The following TMX4 variants were observed in gnomAD, a reference collection of about 807,000 sequenced individuals.
TMX4 encodes the protein thioredoxin-related transmembrane protein 4.
Under a neutral mutation model 33.3 loss-of-function variants are expected in TMX4, and 23 were observed. The observed-to-expected ratio is 0.69, with a 90% CI of 0.50 to 0.98. The LOEUF (loss-of-function observed/expected upper bound fraction) is 0.98, where lower values mean the gene tolerates loss of function less well. Among genes scored for constraint, TMX4 ranks in the 50% least tolerant of loss-of-function variants. TMX4 has a pLI of 0.00. For missense variants in TMX4, 399 were observed against 448.9 expected (o/e 0.89, Z 1.01); for synonymous variants, 164 against 161.5 (o/e 1.02, Z -0.12).
intron 2 of TMX4, among the ~76,000 whole-genome samples, chr20:8,009,977 A>C (rs1345281141): frequency 2.0e-5 from 3 of 152,072 alleles, no homozygotes; most frequent in Admixed American, 6.5e-5. Context: ...ATGATTCAGC[A>C]AAATAAAAAT....
intron 1 of TMX4, among the ~76,000 whole-genome samples, chr20:8,011,652 T>G (rs1234522447): frequency 1.3e-5 from 2 of 151,986 alleles, no homozygotes; most frequent in Non-Finnish European, 2.9e-5. Flanking sequence ...GTACTGAAAA[T>G]TAGGCAGAAC....
At chr20:7,995,889 G>A (rs572236592) in intron 5 of TMX4, 137 bp downstream of exon 5, 13 of 688,772 alleles carry the variant, frequency 1.9e-5, no homozygotes, top group Non-Finnish European at 2.9e-5. Context: ...AACCCCACAT[G>A]AGAGTAGTTG....
Position 8,019,532 on chromosome 20 carries a change from CG to C in TMX4, c.81del (p.Glu28ArgfsTer15). ...TGCTCCGGCGGCAGCGCGGCCTCCT[CG>C]GGGCCTGCCGTCGCCGCCACAGCCG... is the stretch of plus-strand genomic sequence containing the variant. ...WIAAVAATAGPEEAALPPEQS... is the reference protein window; with the variant it reads ...WIAAVAATAGXEEAALPPEQS... On this transcript the variant is annotated frameshift_variant, in exon 1 of 8. Coordinates refer to ENST00000246024, the MANE Select transcript of TMX4 (RefSeq NM_021156.4). LOFTEE classifies it high-confidence loss of function. 2.0e-6 allele frequency: 3 copies of C among 1,480,778 alleles called. No homozygotes were observed. Among genetic ancestry groups the C allele is most frequent in the Admixed American group, 2.5e-5 (1 of 39,840 alleles). The allele number at this position is 1,480,778 out of a possible 1,614,324, so 91.7% of individuals were successfully genotyped here. A position where few individuals can be genotyped will look rare whatever the true frequency, so the allele number is the denominator to read the frequency against.
chr20:7,988,636 G>GA (rs2050640561), intron 5 of TMX4, among the ~76,000 whole-genome samples: 1 of 152,136 alleles, frequency 6.6e-6, no homozygotes, highest in African/African-American at 2.4e-5. Context: ...TTATTCATAC[G>GA]AAAGGCAAAC....
chr20:8,016,794 A>G lies in TMX4; in HGVS notation c.176+2644T>C, dbSNP rs78971081. ...TTCAAAGTAATGAATACATTTTGAT[A>G]TCGGAAAGCTTCTCAATCTGTGTCT... On this transcript the variant is annotated intron_variant, in intron 1 of 7. Coordinates refer to ENST00000246024, the MANE Select transcript of TMX4 (RefSeq NM_021156.4). 9.6e-3 allele frequency among the ~76,000 whole-genome samples: 1,467 copies of G among 152,322 alleles called. 47 individuals are homozygous for G. Among genetic ancestry groups the G allele is most frequent in the East Asian group, 0.065 (335 of 5,176 alleles).
At chr20:7,999,905 C>CA (rs3834657) in intron 3 of TMX4, 45 bp from the exon 4 acceptor site, 20,736 of 1,580,382 alleles carry the variant, frequency 0.013, 551 homozygotes, top group Admixed American at 0.093. Flanking sequence ...ATTAAAATAA[C>CA]GATGTTACAG....
chr20:7,983,780 C>T lies in TMX4; in HGVS notation c.679+14G>A. 4 of 1,611,488 alleles carry T rather than the reference C, an allele frequency of 2.5e-6. No homozygotes were observed. The highest frequency in any genetic ancestry group is 3.4e-6 in the Non-Finnish European group (4 of 1,178,424). ...CCAAAAACACTCTAGATCACAGGAG[C>T]TTATCGTACTTACCAGAACGCTCAG... On this transcript the variant is annotated intron_variant, in intron 7 of 7. Coordinates refer to ENST00000246024, the MANE Select transcript of TMX4 (RefSeq NM_021156.4).
Position 7,980,525 on chromosome 20 carries a change from A to AG in TMX4, c.*1725dup, listed in dbSNP as rs2050600732. ...GGGGGCAGGAAATGGGCAGTGACTA[A>AG]GGGGGCAGGAAACAGGCAGGCACAT... is the stretch of plus-strand genomic sequence containing the variant. On this transcript the variant is annotated 3_prime_UTR_variant, in exon 8 of 8. Coordinates refer to ENST00000246024, the MANE Select transcript of TMX4 (RefSeq NM_021156.4). 6.6e-6 allele frequency: 1 copy of AG among 152,448 alleles called. No homozygotes were observed. 9.4% of individuals were successfully genotyped at this position (152,448 alleles called of 1,614,324 possible).
At position 8,019,656 on chromosome 20, in the gene TMX4, G is replaced by T; in HGVS notation, c.-43C>A. The stretch of plus-strand genomic sequence containing the variant: ...GCTTCTCGGCGGGGAGTGTGGGGAA[G>T]GGCAGCGGCCGGCCCGCAGCCTCGC... On this transcript the variant is annotated 5_prime_UTR_variant, in exon 1 of 8. Coordinates refer to ENST00000246024, the MANE Select transcript of TMX4 (RefSeq NM_021156.4). 1 of 1,294,628 alleles carries T rather than the reference G, an allele frequency of 7.7e-7. No individual in the cohort carries two copies. The highest frequency in any genetic ancestry group is 2.5e-5 in the South Asian group (1 of 40,234). The allele number at this position is 1,294,628 out of a possible 1,614,324, so 80.2% of individuals were successfully genotyped here.
At chr20:7,984,231 G>C (rs1354018143) in intron 6 of TMX4, among the ~76,000 whole-genome samples, 2 of 152,230 alleles carry the variant, frequency 1.3e-5, no homozygotes, top group Non-Finnish European at 2.9e-5. Context: ...TGATTGAATG[G>C]AAGAACATTT....
Position 8,019,730 on chromosome 20 carries a change from C to T in TMX4, c.-117G>A, listed in dbSNP as rs1207907564. On this transcript the variant is annotated 5_prime_UTR_variant, in exon 1 of 8. Transcript: ENST00000246024. ...AGCGGGAGACGCAAGGGCCACCCCGCCTACGCCTAGCGGCGCAGACTGGCG... is the reference window on the plus strand; with the variant it reads ...AGCGGGAGACGCAAGGGCCACCCCGTCTACGCCTAGCGGCGCAGACTGGCG... 3.3e-6 allele frequency: 3 copies of T among 906,516 alleles called. No homozygotes were observed. Among genetic ancestry groups the T allele is most frequent in the Non-Finnish European group, 4.4e-6 (3 of 681,612 alleles). 56.2% of individuals were successfully genotyped at this position (906,516 alleles called of 1,614,324 possible). A position where few individuals can be genotyped will look rare whatever the true frequency, so the allele number is the denominator to read the frequency against.
chr20:7,992,948 C>T (rs897463339), intron 5 of TMX4, among the ~76,000 whole-genome samples: 1 of 152,178 alleles, frequency 6.6e-6, no homozygotes, highest in Non-Finnish European at 1.5e-5. Context: ...TCACCCATAT[C>T]AGAGAAAACT....
intron 5 of TMX4, among the ~76,000 whole-genome samples, chr20:7,992,216 G>A (rs2122859147): frequency 6.6e-6 from 1 of 152,288 alleles, no homozygotes; most frequent in East Asian, 1.9e-4. Flanking sequence ...CTTTGAAGAT[G>A]TCAACTCTCT....
intron 5 of TMX4, among the ~76,000 whole-genome samples, chr20:7,988,895 C>A (rs1044953003): frequency 6.6e-6 from 1 of 152,068 alleles, no homozygotes; most frequent in African/African-American, 2.4e-5. Flanking sequence ...TAGTGGCAAG[C>A]GCCTATAATC....
rs1001714887 is a variant in TMX4 at position 7,978,091 on chromosome 20, A to G, written c.*4160T>C. On this transcript the variant is annotated 3_prime_UTR_variant, in exon 8 of 8. Transcript: ENST00000246024. ...AACAAGAAGGAACTTTTCTGTTGGCATAAGAGATTTGAATGAATTCTTTCG... is the reference window on the plus strand; with the variant it reads ...AACAAGAAGGAACTTTTCTGTTGGCGTAAGAGATTTGAATGAATTCTTTCG... 22 of 152,238 alleles carry G rather than the reference A, an allele frequency of 1.4e-4. No individual in the cohort carries two copies. Among genetic ancestry groups the G allele is most frequent in the Admixed American group, 1.4e-3 (21 of 15,286 alleles). 9.4% of individuals were successfully genotyped at this position (152,238 alleles called of 1,614,324 possible).
At chr20:8,011,992 T>G (rs1272484110) in intron 1 of TMX4, among the ~76,000 whole-genome samples, 1 of 152,118 alleles carries the variant, frequency 6.6e-6, no homozygotes, top group Non-Finnish European at 1.5e-5. Flanking sequence ...AATAAACAAG[T>G]GTATCAACTT....
rs578063421 is a variant in TMX4 at position 7,999,854 on chromosome 20, C to T, written c.345G>A (p.Lys115=). Residue 115 remains lysine (K), a synonymous_variant, in exon 4 of 8, where the codon AAG becomes AAA. Coordinates refer to ENST00000246024, the MANE Select transcript of TMX4 (RefSeq NM_021156.4). ...VTTLPAFFHA[K]DGIFRRYRGP... ...CACGATAACGGCGGAATATCCCATC[C>T]TTTGCACTATAAATTATGAAAACAA... 17 of 1,607,744 alleles carry T rather than the reference C, an allele frequency of 1.1e-5. No individual in the cohort carries two copies. The highest frequency in any genetic ancestry group is 9.0e-5 in the South Asian group (8 of 89,294).
chr20:7,996,134 A>C (rs527350820), intron 4 of TMX4, 63 bp from the exon 5 acceptor site: 75 of 1,352,950 alleles, frequency 5.5e-5, no homozygotes, highest in Non-Finnish European at 7.6e-5. Flanking sequence ...AATGAAAATC[A>C]GGTCAGGAGG....
At chr20:8,001,475 T>C in intron 3 of TMX4, 21 bp downstream of exon 3, 1 of 1,580,012 alleles carries the variant, frequency 6.3e-7, no homozygotes, top group Non-Finnish European at 8.6e-7. Flanking sequence ...TTTGCAAGAT[T>C]AGAAGATTAT....
Sources: allele counts gnomAD v4.1 joint callset (sites outside exome capture counted in the v4.1 genomes callset), GRCh38; gene constraint gnomAD v4.1.1; transcripts MANE v1.5; gene names NCBI Gene and HGNC (gene_info 2026-07-23, HGNC 2026-07-21).